The following CCDC92 variants were observed in gnomAD, a reference collection of about 807,000 sequenced individuals.
CCDC92 encodes coiled-coil domain-containing protein 92.
CCDC92 carries 12 observed loss-of-function variants against 24.9 expected under a neutral mutation model. The observed-to-expected ratio is 0.48, with a 90% CI of 0.31 to 0.78. The LOEUF (loss-of-function observed/expected upper bound fraction) is 0.78, where lower values mean the gene tolerates loss of function less well. Ranked by LOEUF, CCDC92 falls within the 30% of genes least tolerant of loss-of-function variation. CCDC92 has a pLI of 0.05. For missense variants in CCDC92, 399 were observed against 439.4 expected, an observed-to-expected ratio of 0.91 and a Z score of 0.82; for synonymous variants, 193 against 196.3, an observed-to-expected ratio of 0.98 and a Z score of 0.14.
rs200233402 is a variant in CCDC92 at position 123,942,727 on chromosome 12, T to C, written c.223+17A>G. 8.0e-5 allele frequency: 128 copies of C among 1,597,278 alleles called. No homozygotes were observed. Among genetic ancestry groups the C allele is most frequent in the Admixed American group, 1.7e-5 (1 of 59,998 alleles). On this transcript the variant is annotated intron_variant, in intron 4 of 4. Transcript: ENST00000238156. ...AGGGAAACCTACTGTCATTTACTTC[T>C]GGGGAGGAGTTCTTACCTGTCTGTT...
intron 1 of CCDC92, among the ~76,000 whole-genome samples, chr12:123,954,758 A>T (rs940354252): frequency 6.6e-6 from 1 of 152,220 alleles, no homozygotes; most frequent in African/African-American, 2.4e-5. Flanking sequence ...ATGTGCTCCT[A>T]CCATCTGTGT....
At position 123,972,702 on chromosome 12, in the gene CCDC92, C is replaced by T. The variant is rs113980922; in HGVS notation, c.-233G>A. On this transcript the variant is annotated 5_prime_UTR_variant, in exon 1 of 5. Coordinates refer to ENST00000238156, the MANE Select transcript of CCDC92 (RefSeq NM_025140.3). ...GCCGAGGGAGGTCAGTGGGCACCGC[C>T]CGCCCGGCGCATCTCGCCCGCTCCC... 6.8e-6 allele frequency: 1 copy of T among 147,298 alleles called. No homozygotes were observed. Among genetic ancestry groups the T allele is most frequent in the African/African-American group, 2.4e-5 (1 of 40,820 alleles). The allele number at this position is 147,298 out of a possible 1,614,324, so 9.1% of individuals were successfully genotyped here.
chr12:123,959,072 C>T (rs1464356265), intron 1 of CCDC92, among the ~76,000 whole-genome samples: 1 of 152,194 alleles, frequency 6.6e-6, no homozygotes. Context: ...TGGATCCAGA[C>T]CTCCACGGTT....
chr12:123,972,297 T>C (rs1956573255), intron 1 of CCDC92, among the ~76,000 whole-genome samples: 1 of 151,834 alleles, frequency 6.6e-6, no homozygotes, highest in Non-Finnish European at 1.5e-5. Flanking sequence ...GTCTCCCGAG[T>C]TGCCTTCGCC....
intron 1 of CCDC92, among the ~76,000 whole-genome samples, chr12:123,950,136 G>A (rs1026955224): frequency 4.6e-5 from 7 of 152,226 alleles, no homozygotes; most frequent in East Asian, 1.9e-4. Flanking sequence ...CTCCTAGCCC[G>A]CAGGTGATGT....
chr12:123,948,956 C>T (rs1463563267), intron 1 of CCDC92, among the ~76,000 whole-genome samples: 2 of 152,110 alleles, frequency 1.3e-5, no homozygotes, highest in Non-Finnish European at 2.9e-5. Flanking sequence ...CTGAAGCCAC[C>T]GAGGCATCCT....
In CCDC92 at chr12:123,954,808, G is replaced by A. The variant is rs370487145; in HGVS notation, c.-59-10444C>T. 3.3e-5 allele frequency among the ~76,000 whole-genome samples: 5 copies of A among 152,222 alleles called. No homozygotes were observed. The East Asian group carries it at 5.8e-4, about 18-fold the overall frequency. On this transcript the variant is annotated intron_variant, in intron 1 of 4. Coordinates refer to ENST00000238156, the MANE Select transcript of CCDC92 (RefSeq NM_025140.3). ...TGGGAGTGTCCTGGGCCTCATGGAA[G>A]TTTGGGTTCCTAACCGCCAGGAGGC...
intron 1 of CCDC92, among the ~76,000 whole-genome samples, chr12:123,953,261 AG>A (rs1230663922): frequency 6.6e-5 from 10 of 151,778 alleles, no homozygotes; most frequent in African/African-American, 2.4e-4. Flanking sequence ...AAAAAAAAAA[AG>A]TCATTTTTTG....
In CCDC92 at chr12:123,936,327, G is replaced by C. The variant is rs896034196; in HGVS notation, c.*731C>G. The C allele has an allele frequency of 6.6e-6, 1 of 152,378 alleles. No individual in the cohort carries two copies. Among genetic ancestry groups the C allele is most frequent in the Non-Finnish European group, 1.5e-5 (1 of 68,128 alleles). The allele number at this position is 152,378 out of a possible 1,614,324, so 9.4% of individuals were successfully genotyped here. On this transcript the variant is annotated 3_prime_UTR_variant, in exon 5 of 5. Coordinates refer to ENST00000238156, the MANE Select transcript of CCDC92 (RefSeq NM_025140.3). The stretch of plus-strand genomic sequence containing the variant: ...GGGAGGAGGCCGGAGTCGCTTCTGG[G>C]ACCTGTGATTGCTCTCCCTCCTGCA...
intron 3 of CCDC92, 73 bp downstream of exon 3, chr12:123,943,274 G>A (rs1033721602): frequency 1.9e-6 from 3 of 1,539,216 alleles, no homozygotes; most frequent in Admixed American, 3.4e-5. Context: ...GGCAGGCCTA[G>A]CACATTCTGA....
rs1374594704 is a variant in CCDC92, at chr12:123,937,380, C to A, written c.674G>T (p.Gly225Val). The change falls in exon 5 of 5, where the codon GGG becomes GTG. Residue 225 changes from glycine to valine, a missense_variant. By Grantham distance (109) the Gly-to-Val change is moderately radical. Coordinates refer to ENST00000238156, the MANE Select transcript of CCDC92 (RefSeq NM_025140.3). The surrounding 1 kb of genome is among the most constrained non-coding windows in gnomAD (Gnocchi z 8.4). ...HPEFEEVYRF[G>V]AESRKLLLRE... ...CAAAAGGAGTTTCCTGCTCTCTGCC[C>A]CGAATCTGTAGACCTCTTCAAATTC... 6.2e-7 allele frequency: 1 copy of A among 1,613,930 alleles called. No homozygotes were observed. The highest frequency in any genetic ancestry group is 8.5e-7 in the Non-Finnish European group (1 of 1,180,050).
At chr12:123,961,535 A>G (rs1956271804) in intron 1 of CCDC92, among the ~76,000 whole-genome samples, 1 of 152,234 alleles carries the variant, frequency 6.6e-6, no homozygotes, top group Non-Finnish European at 1.5e-5. Flanking sequence ...GTCAGATTTA[A>G]GTTGTATATT....
At chr12:123,941,828 C>T (rs139203807) in intron 4 of CCDC92, among the ~76,000 whole-genome samples, 65 of 152,286 alleles carry the variant, frequency 4.3e-4, no homozygotes, top group African/African-American at 1.5e-3. Context: ...GTTAGCCAAT[C>T]GGGTCAAGCT....
chr12:123,953,956 CAAAT>C (rs1313070144), intron 1 of CCDC92, among the ~76,000 whole-genome samples: 2 of 152,236 alleles, frequency 1.3e-5, no homozygotes, highest in South Asian at 2.1e-4. Flanking sequence ...AACTCCATCT[CAAAT>C]AAACAAACAA....
intron 1 of CCDC92, chr12:123,945,689 A>G (rs1224587230): frequency 6.6e-6 from 1 of 152,194 alleles, no homozygotes; most frequent in Non-Finnish European, 1.5e-5. Context: ...TCTGGCATCA[A>G]TTCCAGCACC....
rs543038591 is a variant in CCDC92, at chr12:123,936,871, A to T, written c.*187T>A. 24 of 669,000 alleles carry T rather than the reference A, an allele frequency of 3.6e-5. 1 individual carries two copies. The South Asian group carries it at 4.6e-4, about 13-fold the overall frequency. 41.4% of individuals were successfully genotyped at this position (669,000 alleles called of 1,614,324 possible). On this transcript the variant is annotated 3_prime_UTR_variant, in exon 5 of 5. Transcript: ENST00000238156. ...CGTTTGGCCACAGCAATTAGGAAAT[A>T]CATATTCTGCGGCAGGGACACGATC...
rs754429285 is a variant in CCDC92 at position 123,937,127 on chromosome 12, G to C, written c.927C>G (p.Thr309=). ...CTCCGTTCACCTGGTCGACCGCCAG[G>C]GTCTTCACCTCGGGCTGGGCCTGCG... is the stretch of plus-strand genomic sequence containing the variant. The part of the protein sequence containing the change: ...TPPQAQPEVK[T]LAVDQVNGGK... The change falls in exon 5 of 5, where the codon ACC becomes ACG. Residue 309 remains threonine (T), a synonymous_variant. Coordinates refer to ENST00000238156, the MANE Select transcript of CCDC92 (RefSeq NM_025140.3). The surrounding 1 kb of genome is among the most constrained non-coding windows in gnomAD (Gnocchi z 8.4). 1 of 1,613,566 alleles carries C rather than the reference G, an allele frequency of 6.2e-7. No individual in the cohort carries two copies. The highest frequency in any genetic ancestry group is 1.1e-5 in the South Asian group (1 of 91,086).
At chr12:123,961,729 A>C (rs957524108) in intron 1 of CCDC92, among the ~76,000 whole-genome samples, 2 of 152,198 alleles carry the variant, frequency 1.3e-5, no homozygotes, top group Admixed American at 6.5e-5. Context: ...ATCAACATGG[A>C]ATCACCTTTT....
chr12:123,970,524 T>C (rs937421796), intron 1 of CCDC92, among the ~76,000 whole-genome samples: 6 of 152,206 alleles, frequency 3.9e-5, no homozygotes, highest in African/African-American at 7.2e-5. Flanking sequence ...CTTCTGCAGG[T>C]TGAAACATCA....
Sources: allele counts gnomAD v4.1 joint callset (sites outside exome capture counted in the v4.1 genomes callset), GRCh38; gene constraint gnomAD v4.1.1; non-coding constraint Gnocchi (gnomAD v3.1); transcripts MANE v1.5; gene names NCBI Gene and HGNC (gene_info 2026-07-23, HGNC 2026-07-21).